The following ABHD5 variants were observed in gnomAD, a reference collection of about 807,000 sequenced individuals.
The protein encoded by ABHD5 is 1-acylglycerol-3-phosphate O-acyltransferase ABHD5.
In ABHD5, 30 loss-of-function variants were observed where a neutral mutation model predicts 44.9. The observed-to-expected ratio is 0.67, with a 90% CI of 0.50 to 0.91. ABHD5 has a LOEUF of 0.91. Among genes scored for constraint, ABHD5 ranks in the 40% least tolerant of loss-of-function variants. ABHD5 has a pLI of 0.00. For missense variants in ABHD5, 399 were observed against 423.4 expected, an observed-to-expected ratio of 0.94 and a Z score of 0.50; for synonymous variants, 167 against 147.0, an observed-to-expected ratio of 1.14 and a Z score of -0.99.
At chr3:43,709,033 G>A (rs2084655985) in intron 3 of ABHD5, among the ~76,000 whole-genome samples, 1 of 152,210 alleles carries the variant, frequency 6.6e-6, no homozygotes, top group African/African-American at 2.4e-5. Flanking sequence ...GTGATGTTCT[G>A]ATGTCATCTG....
At chr3:43,705,441 T>A (rs1298192136) in intron 3 of ABHD5, among the ~76,000 whole-genome samples, 2 of 152,208 alleles carry the variant, frequency 1.3e-5, no homozygotes, top group African/African-American at 4.8e-5. Context: ...GTGAGAATGT[T>A]TCTTCTAACA....
Position 43,720,475 on chromosome 3 carries a change from A to G in ABHD5, c.*1943A>G, listed in dbSNP as rs564255323. The G allele has an allele frequency of 1.1e-3, 165 of 152,326 alleles. No individual in the cohort carries two copies. Among genetic ancestry groups the G allele is most frequent in the African/African-American group, 3.8e-3 (157 of 41,572 alleles). 9.4% of individuals were successfully genotyped at this position (152,326 alleles called of 1,614,324 possible). On this transcript the variant is annotated 3_prime_UTR_variant, in exon 7 of 7. Transcript: ENST00000644371. ...TTTTCCTACAGACTGAATTTGCTTT[A>G]TTTGAAAGATGTTGTAACTCTTTTT...
intron 1 of ABHD5, 136 bp downstream of exon 1, chr3:43,691,175 G>T (rs2084370990): frequency 1.2e-6 from 1 of 842,250 alleles, no homozygotes; most frequent in Admixed American, 4.3e-5. Flanking sequence ...ACCCTCCCCG[G>T]CATGAGTCCG....
intron 7 of ABHD5, among the ~76,000 whole-genome samples, chr3:43,732,031 G>A (rs974652290): frequency 6.6e-6 from 1 of 152,082 alleles, no homozygotes; most frequent in Non-Finnish European, 1.5e-5. Context: ...ATTCAAAAAA[G>A]TGGTGAGTGC....
intron 3 of ABHD5, among the ~76,000 whole-genome samples, chr3:43,706,446 A>G (rs2084620539): frequency 6.6e-6 from 1 of 151,480 alleles, no homozygotes; most frequent in Non-Finnish European, 1.5e-5. Context: ...TCTTTTTTCG[A>G]TAATGGACTT....
chr3:43,704,453 G>A (rs1238860607), intron 3 of ABHD5, among the ~76,000 whole-genome samples: 1 of 152,190 alleles, frequency 6.6e-6, no homozygotes, highest in East Asian at 1.9e-4. Flanking sequence ...GCTATTTGTG[G>A]GAGTTGAACT....
chr3:43,729,872 T>G (rs774772926), intron 7 of ABHD5, among the ~76,000 whole-genome samples: 3 of 151,900 alleles, frequency 2.0e-5, no homozygotes, highest in Admixed American at 1.3e-4. Flanking sequence ...CATAAGCTAT[T>G]TAGGAGTCTG....
In ABHD5 at chr3:43,706,495, T is replaced by C. The variant is rs1019136703; in HGVS notation, c.506+3908T>C. ...TTTTTTTTTTTTCTTAGAGATGGGG[T>C]CTTACTCTGTTGCACAGTTTGGAGT... On this transcript the variant is annotated intron_variant, in intron 3 of 6. Coordinates refer to ENST00000644371, the MANE Select transcript of ABHD5 (RefSeq NM_016006.6). Among the ~76,000 whole-genome samples the C allele has an allele frequency of 1.3e-5, 2 of 150,996 alleles. 1 individual carries two copies. The highest frequency in any genetic ancestry group is 1.3e-4 in the Admixed American group (2 of 15,078).
intron 4 of ABHD5, among the ~76,000 whole-genome samples, chr3:43,714,560 C>T (rs777264788): frequency 1.3e-5 from 2 of 151,906 alleles, no homozygotes; most frequent in Non-Finnish European, 2.9e-5. Flanking sequence ...TACCAGTTTA[C>T]TTCATTTAGA....
At chr3:43,730,498 CCTTTTTT>C (rs2084905743) in intron 7 of ABHD5, among the ~76,000 whole-genome samples, 1 of 129,510 alleles carries the variant, frequency 7.7e-6, no homozygotes. Flanking sequence ...GAAAATAATC[CCTTTTTT>C]TTTTTTTTTT....
At chr3:43,726,327 C>T (rs553816490), downstream of ABHD5, among the ~76,000 whole-genome samples, 4 of 152,258 alleles carry the variant, frequency 2.6e-5, no homozygotes, top group East Asian at 1.9e-4. Flanking sequence ...ATGTCCCAAC[C>T]GATCTTTAAC....
intron 3 of ABHD5, among the ~76,000 whole-genome samples, chr3:43,704,028 A>C (rs368210856): frequency 1.1e-4 from 12 of 105,698 alleles, no homozygotes; most frequent in East Asian, 5.6e-4. Context: ...TACTTTCTTT[A>C]TTTTCTTTTT....
chr3:43,717,072 G>A (rs1300911190), intron 5 of ABHD5, among the ~76,000 whole-genome samples: 1 of 152,112 alleles, frequency 6.6e-6, no homozygotes, highest in Non-Finnish European at 1.5e-5. Context: ...TCAGGAGGCT[G>A]AGGCAGGAGA....
At chr3:43,699,453 G>A in intron 2 of ABHD5, 92 bp downstream of exon 2, 1 of 1,214,418 alleles carries the variant, frequency 8.2e-7, no homozygotes, top group Non-Finnish European at 1.2e-6. Flanking sequence ...AGATTCTGTG[G>A]TGTGTTCATT....
chr3:43,732,230 A>G (rs1303986497), intron 7 of ABHD5, among the ~76,000 whole-genome samples: 1 of 152,154 alleles, frequency 6.6e-6, no homozygotes, highest in African/African-American at 2.4e-5. Flanking sequence ...CAAGAGTTCA[A>G]GACCAGCCTG....
intron 4 of ABHD5, among the ~76,000 whole-genome samples, chr3:43,712,069 A>G (rs548200639): frequency 3.7e-4 from 56 of 152,330 alleles, no homozygotes; most frequent in African/African-American, 1.3e-3. Context: ...TATTGTAAAC[A>G]TTGTGAATAA....
intron 1 of ABHD5, chr3:43,691,279 G>T (rs377042128): frequency 1.6e-5 from 6 of 367,804 alleles, no homozygotes; most frequent in East Asian, 1.2e-4. Context: ...CTCCGGCCGC[G>T]CCGGGAGGCC....
At chr3:43,708,122 A>T (rs1355659900) in intron 3 of ABHD5, among the ~76,000 whole-genome samples, 1 of 152,212 alleles carries the variant, frequency 6.6e-6, no homozygotes, top group African/African-American at 2.4e-5. Flanking sequence ...GCCAATTCTA[A>T]TGACTAACAT....
In ABHD5 at chr3:43,704,281, C is replaced by T. The variant is rs185025416; in HGVS notation, c.506+1694C>T. On this transcript the variant is annotated intron_variant, in intron 3 of 6. Coordinates refer to ENST00000644371, the MANE Select transcript of ABHD5 (RefSeq NM_016006.6). ...CTCAAACTCTTGACCTCAGGAGATC[C>T]GCCTGCCTTGGCCTCCCAAAGTGTT... Among the ~76,000 whole-genome samples the T allele has an allele frequency of 3.3e-4, 50 of 152,208 alleles. No individual in the cohort carries two copies. In the East Asian group the frequency reaches 5.4e-3, roughly 16 times the overall value.
Sources: gnomAD v4.1 joint callset for allele counts (sites outside exome capture counted in the v4.1 genomes callset) on GRCh38, gnomAD v4.1.1 for gene constraint, MANE v1.5 for transcripts, NCBI Gene and HGNC (gene_info 2026-07-23, HGNC 2026-07-21) for gene names.